Variants in EFHD1 observed in about 807,000 individuals in gnomAD.
EFHD1 encodes the protein EF-hand domain family member D1.
In EFHD1, 10 loss-of-function variants were observed where a neutral mutation model predicts 17.2. That is an observed-to-expected ratio of 0.58 (90% CI 0.36 to 0.99). The LOEUF is 0.99. EFHD1 is among the 50% of genes least tolerant of loss of function. The probability of loss-of-function intolerance (pLI) is 0.01; values close to 1 mark genes in which losing one functional copy is unlikely to be tolerated. For synonymous variants in EFHD1, 153 were observed against 142.0 expected (o/e 1.08, Z -0.55); for missense variants, 310 against 327.5 (o/e 0.95, Z 0.41).
At chr2:232,607,523 G>A (rs1693740274) in intron 1 of EFHD1, among the ~76,000 whole-genome samples, 1 of 151,766 alleles carries the variant, frequency 6.6e-6, no homozygotes, top group Admixed American at 6.6e-5. Flanking sequence ...GAACCTGGGA[G>A]GCGGAGGCTG....
upstream of EFHD1, among the ~76,000 whole-genome samples, chr2:232,629,880 G>A (rs1384111291): frequency 7.3e-5 from 11 of 151,580 alleles, no homozygotes; most frequent in Non-Finnish European, 1.5e-4. Flanking sequence ...ATAGATATTT[G>A]TTTTACAAAA....
At chr2:232,627,271 G>T (rs1694125231) in intron 1 of EFHD1, among the ~76,000 whole-genome samples, 1 of 149,200 alleles carries the variant, frequency 6.7e-6, no homozygotes. Context: ...CTAGAATTTT[G>T]GAAAACTTTA....
At chr2:232,638,391 T>G (rs1252450411) in intron 1 of EFHD1, 3 of 471,154 alleles carry the variant, frequency 6.4e-6, no homozygotes, top group Non-Finnish European at 1.3e-5. Flanking sequence ...ATGGGAAAGT[T>G]GTCTTTTTCT....
chr2:232,616,742 T>C (rs1473528257), intron 1 of EFHD1, among the ~76,000 whole-genome samples: 1 of 152,180 alleles, frequency 6.6e-6, no homozygotes, highest in Non-Finnish European at 1.5e-5. Context: ...ATACAAAAGC[T>C]CTGGAGATCT....
intron 1 of EFHD1, among the ~76,000 whole-genome samples, chr2:232,615,557 A>G (rs900140007): frequency 2.6e-5 from 4 of 152,192 alleles, no homozygotes; most frequent in Admixed American, 2.0e-4. Context: ...TGTTTCTTCA[A>G]GAGATCACGG....
chr2:232,664,435 GC>G (rs1694932869), intron 2 of EFHD1, among the ~76,000 whole-genome samples: 1 of 151,268 alleles, frequency 6.6e-6, no homozygotes, highest in Non-Finnish European at 1.5e-5. Flanking sequence ...TTTATAGCAT[GC>G]AAAAATTGTT....
At chr2:232,658,166 G>A (rs1013117975) in intron 1 of EFHD1, among the ~76,000 whole-genome samples, 1 of 151,894 alleles carries the variant, frequency 6.6e-6, no homozygotes, top group Non-Finnish European at 1.5e-5. Flanking sequence ...GCCTCACAAA[G>A]TGCTGGGATT....
intron 1 of EFHD1, among the ~76,000 whole-genome samples, chr2:232,655,676 G>A (rs1574722944): frequency 6.6e-6 from 1 of 152,200 alleles, no homozygotes; most frequent in East Asian, 1.9e-4. Context: ...GCTAAAGTCT[G>A]TCTCACCCAT....
intron 1 of EFHD1, among the ~76,000 whole-genome samples, chr2:232,637,111 C>T (rs570478245): frequency 5.9e-5 from 9 of 152,184 alleles, no homozygotes; most frequent in Admixed American, 1.3e-4. Context: ...AGAAGTATAT[C>T]CTCTCATAGT....
intron 1 of EFHD1, among the ~76,000 whole-genome samples, chr2:232,647,711 A>G (rs898655563): frequency 1.4e-5 from 2 of 146,566 alleles, no homozygotes; most frequent in Admixed American, 1.4e-4. Context: ...ATCTCGGCTC[A>G]CTGAAACCTC....
At chr2:232,668,218 C>T (rs1446330357) in intron 2 of EFHD1, among the ~76,000 whole-genome samples, 3 of 152,172 alleles carry the variant, frequency 2.0e-5, no homozygotes, top group African/African-American at 4.8e-5. Context: ...TCATTTAGGG[C>T]GGTTGGTGAT....
chr2:232,622,110 AG>A (rs1183770131), intron 1 of EFHD1, among the ~76,000 whole-genome samples: 1 of 152,180 alleles, frequency 6.6e-6, no homozygotes, highest in Non-Finnish European at 1.5e-5. Flanking sequence ...TTCTCTACAA[AG>A]GGTAGACAGC....
rs576704879 is a variant in EFHD1 at position 232,672,447 on chromosome 2, G to A, written c.585+4G>A. On this transcript the variant is annotated splice_donor_region_variant and intron_variant, in intron 3 of 3. Transcript: ENST00000264059. ...CAAGAACTTCTTTGAAGCCAAGGTA[G>A]GTGCTTAGTTCCTTCTGTGAGGAGC... is the stretch of plus-strand genomic sequence containing the variant. 2 of 1,591,712 alleles carry A rather than the reference G, an allele frequency of 1.3e-6. No individual in the cohort carries two copies. The highest frequency in any genetic ancestry group is 1.3e-5 in the African/African-American group (1 of 74,476).
chr2:232,632,513 C>T (rs1480118554), upstream of EFHD1, among the ~76,000 whole-genome samples: 1 of 152,206 alleles, frequency 6.6e-6, no homozygotes, highest in East Asian at 1.9e-4. Flanking sequence ...ATCAGCCTTC[C>T]TTGGGGAGAA....
At chr2:232,647,084 G>A (rs1694544542) in intron 1 of EFHD1, among the ~76,000 whole-genome samples, 1 of 152,252 alleles carries the variant, frequency 6.6e-6, no homozygotes, top group Non-Finnish European at 1.5e-5. Context: ...GTGAGACCTG[G>A]AAAAAGGTAA....
upstream of EFHD1, among the ~76,000 whole-genome samples, chr2:232,631,791 TAGG>T (rs1344118688): frequency 6.7e-6 from 1 of 149,368 alleles, no homozygotes; most frequent in Non-Finnish European, 1.5e-5. Context: ...CGTCTGAGGC[TAGG>T]AGTTCACAAC....
intron 1 of EFHD1, among the ~76,000 whole-genome samples, chr2:232,658,973 G>A (rs1043857013): frequency 2.6e-5 from 4 of 152,038 alleles, no homozygotes; most frequent in African/African-American, 9.7e-5. Context: ...GTCATTTTCA[G>A]TGAACCCATG....
intron 1 of EFHD1, among the ~76,000 whole-genome samples, chr2:232,609,078 T>TTG (rs1693768481): frequency 8.2e-6 from 1 of 121,714 alleles, no homozygotes; most frequent in African/African-American, 3.5e-5. Context: ...TTTTTTTTTT[T>TTG]AGATGGAGTC....
chr2:232,676,578 T>C (rs1355672635), intron 3 of EFHD1, among the ~76,000 whole-genome samples: 1 of 152,054 alleles, frequency 6.6e-6, no homozygotes, highest in Non-Finnish European at 1.5e-5. Context: ...GTGGAGTCAG[T>C]CTCCCTTAGG....
Sources: gnomAD v4.1 joint callset for allele counts (sites outside exome capture counted in the v4.1 genomes callset) on GRCh38, gnomAD v4.1.1 for gene constraint, MANE v1.5 for transcripts, NCBI Gene and HGNC (gene_info 2026-07-23, HGNC 2026-07-21) for gene names.